MDGA2: variants seen among roughly 807,000 people sequenced by gnomAD.
The protein encoded by MDGA2 is MAM domain-containing glycosylphosphatidylinositol anchor protein 2.
Under a neutral mutation model 117.8 loss-of-function variants are expected in MDGA2, and 40 were observed. The ratio of observed to expected loss-of-function variants is 0.34; its 90% CI spans 0.26 to 0.44. The LOEUF (loss-of-function observed/expected upper bound fraction) is 0.44, where lower values mean the gene tolerates loss of function less well. Among genes scored for constraint, MDGA2 ranks in the 20% least tolerant of loss-of-function variants. The pLI, the probability that MDGA2 is intolerant of heterozygous loss-of-function variation, is 1.00. For missense variants in MDGA2, 1,123 were observed against 1,250.6 expected (o/e 0.90, Z 1.54); for synonymous variants, 452 against 439.0 (o/e 1.03, Z -0.37).
chr14:47,265,669 A>G (rs865824270), intron 2 of MDGA2, among the ~76,000 whole-genome samples: 11 of 152,002 alleles, frequency 7.2e-5, no homozygotes, highest in Admixed American at 3.9e-4. Context: ...AGCTTATCAT[A>G]GGATAAAATT....
chr14:47,286,074 A>G (rs72680294), intron 2 of MDGA2, among the ~76,000 whole-genome samples: 13,824 of 151,844 alleles, frequency 0.091, 780 homozygotes, highest in Non-Finnish European at 0.11. Context: ...ATATATATAT[A>G]ACTTTTAATT....
At chr14:47,509,998 T>C (rs1404270789) in intron 1 of MDGA2, among the ~76,000 whole-genome samples, 1 of 152,112 alleles carries the variant, frequency 6.6e-6, no homozygotes, top group Admixed American at 6.6e-5. Context: ...AACATGAATT[T>C]TGGGGGGACA....
intron 7 of MDGA2, among the ~76,000 whole-genome samples, chr14:47,057,190 G>A (rs1370743733): frequency 2.0e-5 from 3 of 151,974 alleles, no homozygotes; most frequent in South Asian, 2.1e-4. Context: ...TGTCACTAGC[G>A]CAATGCTACT....
At chr14:47,444,246 G>GAA (rs1277778737) in intron 1 of MDGA2, 39 of 174,658 alleles carry the variant, frequency 2.2e-4, no homozygotes, top group Non-Finnish European at 4.1e-4. Flanking sequence ...CTAGGTCTTT[G>GAA]AGTTGTACAT....
chr14:47,340,943 C>T (rs1411866046), intron 1 of MDGA2, among the ~76,000 whole-genome samples: 1 of 151,968 alleles, frequency 6.6e-6, no homozygotes, highest in Non-Finnish European at 1.5e-5. Context: ...GATTTTAGAC[C>T]CAACACTTAA....
intron 1 of MDGA2, among the ~76,000 whole-genome samples, chr14:47,593,996 A>G (rs1428859905): frequency 6.6e-6 from 1 of 152,230 alleles, no homozygotes; most frequent in Admixed American, 6.5e-5. Flanking sequence ...CATTTTAAAT[A>G]TTTAAAATAT....
intron 2 of MDGA2, among the ~76,000 whole-genome samples, chr14:47,235,991 T>C (rs998569335): frequency 2.0e-5 from 3 of 152,022 alleles, no homozygotes; most frequent in African/African-American, 7.3e-5. Flanking sequence ...GTCAAAGGTA[T>C]GGTTAGAGAA....
intron 14 of MDGA2, among the ~76,000 whole-genome samples, chr14:46,860,673 G>A (rs571488517): frequency 5.6e-4 from 85 of 151,654 alleles, no homozygotes; most frequent in African/African-American, 1.9e-3. Flanking sequence ...CTGTTGTTTT[G>A]TTTCCAATGT....
At position 46,841,097 on chromosome 14, in the gene MDGA2, T is replaced by C. The variant is rs1237207825; in HGVS notation, c.*834A>G. ...CTTCTGAGTTGAAAATTATTCAGGC[T>C]TGTTTCATTGAAGGCACTTGGTTTC... is the stretch of plus-strand genomic sequence containing the variant. On this transcript the variant is annotated 3_prime_UTR_variant, in exon 17 of 17. Transcript: ENST00000399232. 6.6e-6 allele frequency: 1 copy of C among 152,592 alleles called. No homozygotes were observed. The highest frequency in any genetic ancestry group is 1.5e-5 in the Non-Finnish European group (1 of 68,050). The allele number at this position is 152,592 out of a possible 1,614,324, so 9.5% of individuals were successfully genotyped here.
At chr14:47,082,488 G>A (rs779922201) in intron 6 of MDGA2, among the ~76,000 whole-genome samples, 1 of 152,084 alleles carries the variant, frequency 6.6e-6, no homozygotes, top group African/African-American at 2.4e-5. Flanking sequence ...TTATGTCCTA[G>A]GAATGGGGCA....
intron 2 of MDGA2, among the ~76,000 whole-genome samples, chr14:47,244,728 T>C (rs1566699841): frequency 2.0e-5 from 3 of 151,816 alleles, no homozygotes; most frequent in Non-Finnish European, 2.9e-5. Context: ...TGATTAAAGG[T>C]GTAGAAGATG....
chr14:46,973,222 T>C (rs950991235), intron 8 of MDGA2, among the ~76,000 whole-genome samples: 1 of 152,102 alleles, frequency 6.6e-6, no homozygotes, highest in African/African-American at 2.4e-5. Flanking sequence ...CTTACAAAAG[T>C]ATACATATTC....
At chr14:47,147,474 T>C (rs941924422) in intron 3 of MDGA2, among the ~76,000 whole-genome samples, 1 of 152,208 alleles carries the variant, frequency 6.6e-6, no homozygotes, top group Admixed American at 6.5e-5. Flanking sequence ...TGCCCTGCCC[T>C]GAGGCAAAGG....
chr14:47,362,177 A>G (rs1160801955), intron 1 of MDGA2, among the ~76,000 whole-genome samples: 2 of 152,168 alleles, frequency 1.3e-5, no homozygotes, highest in Non-Finnish European at 2.9e-5. Context: ...AATTTGCATT[A>G]CTGATTGAAT....
At chr14:47,462,397 GA>G (rs1482229032) in intron 1 of MDGA2, among the ~76,000 whole-genome samples, 7 of 141,108 alleles carry the variant, frequency 5.0e-5, no homozygotes, top group East Asian at 4.2e-4. Flanking sequence ...AAAAAAGAAA[GA>G]AAAAAAAGGT....
chr14:47,050,189 C>T (rs1464733124), intron 7 of MDGA2, among the ~76,000 whole-genome samples: 2 of 152,000 alleles, frequency 1.3e-5, no homozygotes, highest in East Asian at 3.9e-4. Context: ...CTATGTTCAA[C>T]ACTGTATGTC....
At chr14:47,171,867 G>T (rs1463704527) in intron 3 of MDGA2, among the ~76,000 whole-genome samples, 1 of 152,204 alleles carries the variant, frequency 6.6e-6, no homozygotes, top group African/African-American at 2.4e-5. Flanking sequence ...GGAAGCACAA[G>T]GGGTCAGGGA....
chr14:47,212,750 C>T (rs1189513891), intron 3 of MDGA2, among the ~76,000 whole-genome samples: 1 of 152,110 alleles, frequency 6.6e-6, no homozygotes, highest in Non-Finnish European at 1.5e-5. Flanking sequence ...ATCTTTACCG[C>T]GGAACCTTGT....
At chr14:47,440,160 C>G (rs1892977554) in intron 1 of MDGA2, among the ~76,000 whole-genome samples, 2 of 151,996 alleles carry the variant, frequency 1.3e-5, no homozygotes, top group African/African-American at 4.8e-5. Context: ...TCACTCCCAA[C>G]AGCATACCCC....
Sources: allele counts gnomAD v4.1 joint callset (sites outside exome capture counted in the v4.1 genomes callset), GRCh38; gene constraint gnomAD v4.1.1; transcripts MANE v1.5; gene names NCBI Gene and HGNC (gene_info 2026-07-23, HGNC 2026-07-21).